The following SRPK2 variants were observed in gnomAD, a reference collection of about 807,000 sequenced individuals.
SRPK2 encodes SFRS protein kinase 2.
Under a neutral mutation model 90.8 loss-of-function variants are expected in SRPK2, and 21 were observed. The ratio of observed to expected loss-of-function variants is 0.23; its 90% CI spans 0.16 to 0.33. The LOEUF is 0.33. SRPK2 is among the 10% of genes least tolerant of loss of function. The pLI is 1.00. For missense variants in SRPK2, 620 were observed against 869.0 expected, an observed-to-expected ratio of 0.71 and a Z score of 3.60; for synonymous variants, 288 against 311.1, an observed-to-expected ratio of 0.93 and a Z score of 0.78.
intron 2 of SRPK2, among the ~76,000 whole-genome samples, chr7:105,364,560 C>A (rs1818816996): frequency 6.6e-6 from 1 of 152,048 alleles, no homozygotes; most frequent in African/African-American, 2.4e-5. Context: ...GCCATCATGC[C>A]TAGCTAATTT....
At chr7:105,217,305 T>A (rs1797591291) in intron 2 of SRPK2, among the ~76,000 whole-genome samples, 1 of 152,058 alleles carries the variant, frequency 6.6e-6, no homozygotes, top group African/African-American at 2.4e-5. Context: ...CAGTATTTGG[T>A]GAGAAAAAAA....
intron 3 of SRPK2, among the ~76,000 whole-genome samples, chr7:105,198,465 A>G (rs1795176532): frequency 2.6e-5 from 4 of 152,228 alleles, no homozygotes; most frequent in Admixed American, 2.0e-4. Context: ...GAATCTGAAT[A>G]AACTGCACAG....
chr7:105,170,705 A>C lies in SRPK2; in HGVS notation c.230-1440T>G, dbSNP rs969735039. 1.2e-4 allele frequency among the ~76,000 whole-genome samples: 17 copies of C among 145,958 alleles called. 1 individual carries two copies. The highest frequency in any genetic ancestry group is 2.4e-4 in the Non-Finnish European group (16 of 66,430). On this transcript the variant is annotated intron_variant, in intron 3 of 15. Coordinates refer to ENST00000393651, the MANE Select transcript of SRPK2 (RefSeq NM_182692.3). ...TGAGACTCCACCAAGAAAGACAAGA[A>C]AGACAAGAAAGAAAGAAAAGGAAAG...
chr7:105,134,492 T>C (rs1190436050), intron 11 of SRPK2, among the ~76,000 whole-genome samples: 1 of 152,170 alleles, frequency 6.6e-6, no homozygotes, highest in Non-Finnish European at 1.5e-5. Flanking sequence ...AACTACCGGG[T>C]TTCCGGTATT....
chr7:105,352,048 A>T (rs1817257634), intron 2 of SRPK2, among the ~76,000 whole-genome samples: 1 of 152,100 alleles, frequency 6.6e-6, no homozygotes, highest in South Asian at 2.1e-4. Context: ...TAGAGAAAAT[A>T]AGAGATTCAG....
chr7:105,339,386 C>T (rs1815481120), intron 2 of SRPK2, among the ~76,000 whole-genome samples: 1 of 152,092 alleles, frequency 6.6e-6, no homozygotes, highest in African/African-American at 2.4e-5. Context: ...TATCTGTGAT[C>T]CAGGGTCTAT....
chr7:105,343,207 A>G (rs535905801), intron 2 of SRPK2, among the ~76,000 whole-genome samples: 1 of 152,176 alleles, frequency 6.6e-6, no homozygotes, highest in African/African-American at 2.4e-5. Context: ...CAAAGGTGGG[A>G]TGATTGCTTG....
At chr7:105,311,389 C>T (rs1407297310) in intron 2 of SRPK2, among the ~76,000 whole-genome samples, 3 of 152,084 alleles carry the variant, frequency 2.0e-5, no homozygotes, top group Admixed American at 6.6e-5. Flanking sequence ...CCTGCCACCA[C>T]GCCTAGCTAA....
In SRPK2 at chr7:105,359,541, T is replaced by C. The variant is rs949461187; in HGVS notation, c.71+29107A>G. ...GTAAAAAAGACGTCAAAAGCAGTCT[T>C]CAATAATCAGAACGCCTCTGCTTAA... On this transcript the variant is annotated intron_variant, in intron 2 of 15. Transcript: ENST00000393651. Among the ~76,000 whole-genome samples, 6 of 152,136 alleles carry C rather than the reference T, an allele frequency of 3.9e-5. No individual in the cohort carries two copies. In the East Asian group the frequency reaches 7.7e-4, roughly 20 times the overall value.
At chr7:105,326,822 C>A (rs1204063) in intron 2 of SRPK2, among the ~76,000 whole-genome samples, 1 of 151,978 alleles carries the variant, frequency 6.6e-6, no homozygotes, top group Non-Finnish European at 1.5e-5. Context: ...AGCACTTTGG[C>A]AGGTGGAGGC....
At chr7:105,199,340 T>C (rs747758885) in intron 3 of SRPK2, among the ~76,000 whole-genome samples, 2 of 152,140 alleles carry the variant, frequency 1.3e-5, no homozygotes, top group Non-Finnish European at 2.9e-5. Context: ...GAGAAGTAAT[T>C]GAGGGCAGAG....
intron 3 of SRPK2, among the ~76,000 whole-genome samples, chr7:105,192,505 C>T (rs1328217802): frequency 6.6e-6 from 1 of 152,208 alleles, no homozygotes. Flanking sequence ...CTGCTATAAA[C>T]ATGCATGAGC....
intron 2 of SRPK2, among the ~76,000 whole-genome samples, chr7:105,300,254 C>CAAA (rs35542004): frequency 5.2e-5 from 4 of 76,278 alleles, no homozygotes; most frequent in Middle Eastern, 7.9e-3. Context: ...GACTCCATCT[C>CAAA]AAAAAAAAAA....
chr7:105,388,840 C>G lies in SRPK2; in HGVS notation c.-34G>C. 1 of 1,322,968 alleles carries G rather than the reference C, an allele frequency of 7.6e-7. No homozygotes were observed. Among genetic ancestry groups the G allele is most frequent in the South Asian group, 2.1e-5 (1 of 48,086 alleles). 82.0% of individuals were successfully genotyped at this position (1,322,968 alleles called of 1,614,324 possible). On this transcript the variant is annotated 5_prime_UTR_variant, in exon 1 of 16. Transcript: ENST00000393651. ...GGCGGAAGCGGGGCGGGGGGCTTCG[C>G]GACGGCGACGCGGGCGCCGAGACGA...
intron 13 of SRPK2, among the ~76,000 whole-genome samples, chr7:105,131,333 G>A (rs1221421736): frequency 1.3e-5 from 2 of 152,130 alleles, no homozygotes; most frequent in Non-Finnish European, 2.9e-5. Flanking sequence ...GCCTGCTGGG[G>A]TCACACAGAG....
At chr7:105,370,735 C>A (rs1819602580) in intron 2 of SRPK2, among the ~76,000 whole-genome samples, 1 of 151,474 alleles carries the variant, frequency 6.6e-6, no homozygotes, top group African/African-American at 2.4e-5. Context: ...CATGCCTTAC[C>A]CTCCCAAGTA....
intron 2 of SRPK2, among the ~76,000 whole-genome samples, chr7:105,233,139 G>T (rs1008086895): frequency 4.1e-5 from 6 of 145,944 alleles, no homozygotes; most frequent in African/African-American, 1.5e-4. Context: ...AAGGAAGGAA[G>T]GAAGGAAGGA....
At chr7:105,144,458 C>A (rs1318866350) in intron 9 of SRPK2, among the ~76,000 whole-genome samples, 2 of 151,986 alleles carry the variant, frequency 1.3e-5, no homozygotes, top group Non-Finnish European at 2.9e-5. Flanking sequence ...CCAGGCTGGT[C>A]TTGAATTCCT....
chr7:105,326,929 G>A (rs1813657959), intron 2 of SRPK2, among the ~76,000 whole-genome samples: 1 of 152,118 alleles, frequency 6.6e-6, no homozygotes, highest in Admixed American at 6.6e-5. Context: ...CAGGAGTGGT[G>A]GTGGGAGCCT....
Sources: allele counts gnomAD v4.1 joint callset (sites outside exome capture counted in the v4.1 genomes callset), GRCh38; gene constraint gnomAD v4.1.1; transcripts MANE v1.5; gene names NCBI Gene and HGNC (gene_info 2026-07-23, HGNC 2026-07-21).